Variants in PRIM2 observed in about 807,000 individuals in gnomAD.
PRIM2 encodes the protein DNA primase large subunit.
Under a neutral mutation model 67.3 loss-of-function variants are expected in PRIM2, and 39 were observed. The observed-to-expected ratio is 0.58, with a 90% CI of 0.45 to 0.76. The LOEUF (loss-of-function observed/expected upper bound fraction) is 0.76. PRIM2 is among the 30% of genes least tolerant of loss of function. The pLI, the probability that PRIM2 is intolerant of heterozygous loss-of-function variation, is 0.00. For missense variants in PRIM2, 398 were observed against 598.7 expected (o/e 0.66, Z 3.50); for synonymous variants, 143 against 198.7 (o/e 0.72, Z 2.36).
intron 7 of PRIM2, among the ~76,000 whole-genome samples, chr6:57,397,226 G>A (rs1280493772): frequency 2.6e-5 from 4 of 152,010 alleles, no homozygotes; most frequent in African/African-American, 7.2e-5. Flanking sequence ...TAGCATTACC[G>A]GGAAAGTTTT....
intron 5 of PRIM2, among the ~76,000 whole-genome samples, chr6:57,352,419 T>C (rs9475866): frequency 2.0e-5 from 3 of 152,072 alleles, no homozygotes; most frequent in African/African-American, 7.2e-5. Flanking sequence ...TTTTGTATTT[T>C]TAGTAGAGAT....
the PRIM2 span, among the ~76,000 whole-genome samples, chr6:57,298,497 G>A: frequency 9.1e-3 from 1,380 of 152,244 alleles, 20 homozygotes; most frequent in African/African-American, 0.031. Context: ...TGGGAAGGCT[G>A]GGCACAGGTG....
At chr6:57,420,159 C>A (rs1276766955) in intron 7 of PRIM2, among the ~76,000 whole-genome samples, 1 of 152,054 alleles carries the variant, frequency 6.6e-6, no homozygotes, top group Non-Finnish European at 1.5e-5. Flanking sequence ...AATAATTAGT[C>A]CTGTTTTAGA....
intron 10 of PRIM2, among the ~76,000 whole-genome samples, chr6:57,571,522 G>A (rs1419350910): frequency 7.1e-4 from 106 of 150,162 alleles, no homozygotes; most frequent in African/African-American, 2.3e-3. Context: ...ATGGTGGCGT[G>A]GCCTGTAATC....
chr6:57,232,333 A>C, the PRIM2 span, among the ~76,000 whole-genome samples: 2 of 152,196 alleles, frequency 1.3e-5, no homozygotes, highest in South Asian at 4.1e-4. Flanking sequence ...CAGGCGGATC[A>C]TGAGGTCAGG....
intron 7 of PRIM2, among the ~76,000 whole-genome samples, chr6:57,454,216 G>A (rs1317701029): frequency 2.8e-4 from 42 of 152,104 alleles, no homozygotes; most frequent in African/African-American, 9.4e-4. Flanking sequence ...TTTTTGCATC[G>A]ATGTTCATCA....
intron 13 of PRIM2, among the ~76,000 whole-genome samples, chr6:57,643,327 A>G (rs1402271450): frequency 6.4e-4 from 98 of 152,346 alleles, no homozygotes; most frequent in African/African-American, 2.3e-3. Flanking sequence ...TAATGGAGAT[A>G]TCATTATCAG....
At chr6:57,359,676 A>G (rs561322796) in intron 5 of PRIM2, among the ~76,000 whole-genome samples, 1 of 152,354 alleles carries the variant, frequency 6.6e-6, no homozygotes, top group African/African-American at 2.4e-5. Context: ...TAAATACCTC[A>G]AAACAACTGT....
chr6:57,556,494 G>A (rs1270063671), intron 10 of PRIM2, among the ~76,000 whole-genome samples: 1 of 152,062 alleles, frequency 6.6e-6, no homozygotes, highest in Non-Finnish European at 1.5e-5. Context: ...GCACACCTAC[G>A]ACCATCTGAT....
chr6:57,472,752 T>C lies in PRIM2; in HGVS notation c.694-34635T>C, dbSNP rs1182843995. On this transcript the variant is annotated intron_variant, in intron 7 of 13. Transcript: ENST00000615550. ...AGGCCATTGTGAAAGTTGGCCTTAC[T>C]GGTCTATTAGATTGAATATAAAAAG... 5.9e-4 allele frequency among the ~76,000 whole-genome samples: 90 copies of C among 152,362 alleles called. No homozygotes were observed. In the East Asian group the frequency reaches 0.013, roughly 23 times the overall value.
chr6:57,440,106 AGT>A (rs1772155187), intron 7 of PRIM2, among the ~76,000 whole-genome samples: 1 of 151,190 alleles, frequency 6.6e-6, no homozygotes. Flanking sequence ...ATCATGTAGA[AGT>A]AACCACCATT....
At chr6:57,614,301 G>A (rs1312218227) in intron 12 of PRIM2, among the ~76,000 whole-genome samples, 26 of 152,058 alleles carry the variant, frequency 1.7e-4, no homozygotes, top group African/African-American at 5.3e-4. Flanking sequence ...ACCCTGGCCC[G>A]TGGAAAAATT....
intron 7 of PRIM2, among the ~76,000 whole-genome samples, chr6:57,430,396 C>T (rs1396253137): frequency 6.0e-5 from 9 of 149,394 alleles, no homozygotes; most frequent in East Asian, 2.0e-4. Flanking sequence ...ATATGGAAAA[C>T]GAAAGTAATT....
intron 10 of PRIM2, among the ~76,000 whole-genome samples, chr6:57,561,683 C>T (rs1305914269): frequency 1.3e-5 from 2 of 152,206 alleles, no homozygotes; most frequent in Admixed American, 1.3e-4. Flanking sequence ...AATCTTTCTC[C>T]ACATCAGCAC....
intron 10 of PRIM2, among the ~76,000 whole-genome samples, chr6:57,556,633 A>G (rs1775518694): frequency 6.6e-6 from 1 of 152,252 alleles, no homozygotes; most frequent in Non-Finnish European, 1.5e-5. Flanking sequence ...AAAAAAATCA[A>G]CTCAAGATGG....
At chr6:57,536,638 C>T (rs1775008337) in intron 9 of PRIM2, among the ~76,000 whole-genome samples, 3 of 152,234 alleles carry the variant, frequency 2.0e-5, no homozygotes, top group South Asian at 2.1e-4. Context: ...ACATTCATAC[C>T]ATGGAAAACT....
the PRIM2 span, among the ~76,000 whole-genome samples, chr6:57,279,270 T>C: frequency 3.9e-5 from 6 of 152,244 alleles, no homozygotes; most frequent in Non-Finnish European, 8.8e-5. Flanking sequence ...CTTACTTTAC[T>C]GCTTTTTTCT....
intron 7 of PRIM2, among the ~76,000 whole-genome samples, chr6:57,453,740 G>A (rs201136055): frequency 5.9e-5 from 9 of 152,038 alleles, no homozygotes; most frequent in African/African-American, 1.7e-4. Context: ...AAACAGGGAC[G>A]ATTTGACTTC....
the PRIM2 span, among the ~76,000 whole-genome samples, chr6:57,248,574 A>G: frequency 6.6e-6 from 1 of 152,144 alleles, no homozygotes; most frequent in East Asian, 1.9e-4. Flanking sequence ...GGGTTTAAAT[A>G]CCCTCTAGAG....
Sources: gnomAD v4.1 joint callset for allele counts (sites outside exome capture counted in the v4.1 genomes callset) on GRCh38, gnomAD v4.1.1 for gene constraint, MANE v1.5 for transcripts, NCBI Gene and HGNC (gene_info 2026-07-23, HGNC 2026-07-21) for gene names.